LRRC69: variants seen among roughly 807,000 people sequenced by gnomAD.
LRRC69 encodes the protein leucine rich repeat containing 69.
LRRC69 carries 42 observed loss-of-function variants against 37.8 expected under a neutral mutation model. That is an observed-to-expected ratio of 1.11 (90% CI 0.87 to 1.44). The LOEUF (loss-of-function observed/expected upper bound fraction) is 1.44, where lower values mean the gene tolerates loss of function less well. Among genes scored for constraint, LRRC69 ranks in the 40% most tolerant of loss-of-function variants. The pLI is 0.00. For synonymous variants in LRRC69, 141 were observed against 143.1 expected (o/e 0.99, Z 0.11); for missense variants, 357 against 401.9 (o/e 0.89, Z 0.96).
chr8:91,209,193 G>A lies in LRRC69; in HGVS notation c.933+8401G>A, dbSNP rs558107509. ...TGTAATCCCAGCATTCTGCGAGGCC[G>A]AGGCGGGCGGATCACCTGAGGTCAG... On this transcript the variant is annotated intron_variant, in intron 7 of 7. Coordinates refer to ENST00000448384, the Ensembl canonical transcript of LRRC69. 6.6e-4 allele frequency among the ~76,000 whole-genome samples: 101 copies of A among 152,270 alleles called. 1 individual carries two copies. The highest frequency in any genetic ancestry group is 1.2e-3 in the Non-Finnish European group (85 of 68,024).
chr8:91,144,783 C>G (rs59149961), intron 5 of LRRC69, among the ~76,000 whole-genome samples: 1 of 152,090 alleles, frequency 6.6e-6, no homozygotes, highest in East Asian at 1.9e-4. Context: ...GGTTTACTGT[C>G]ACTCTCTGTC....
chr8:91,163,695 A>G (rs1394027051), intron 5 of LRRC69, among the ~76,000 whole-genome samples: 1 of 151,472 alleles, frequency 6.6e-6, no homozygotes, highest in African/African-American at 2.4e-5. Flanking sequence ...TTACATTTCT[A>G]TTATAGTTAT....
chr8:91,192,456 C>A (rs1242598016), intron 6 of LRRC69, among the ~76,000 whole-genome samples: 3 of 151,484 alleles, frequency 2.0e-5, no homozygotes, highest in Non-Finnish European at 4.4e-5. Context: ...GTTTACAGTC[C>A]CACCAACAGT....
chr8:91,192,100 G>T (rs924912289), intron 6 of LRRC69, among the ~76,000 whole-genome samples: 3 of 149,448 alleles, frequency 2.0e-5, no homozygotes, highest in Non-Finnish European at 4.4e-5. Context: ...GCGGTGTTTG[G>T]TTTTTTGTTC....
chr8:91,104,754 C>T (rs1813279083), intron 1 of LRRC69, among the ~76,000 whole-genome samples: 1 of 151,972 alleles, frequency 6.6e-6, no homozygotes, highest in South Asian at 2.1e-4. Flanking sequence ...GGCTTGCTCT[C>T]TTAGTTTTTC....
intron 5 of LRRC69, among the ~76,000 whole-genome samples, chr8:91,161,898 T>C (rs576700228): frequency 6.6e-6 from 1 of 151,460 alleles, no homozygotes; most frequent in African/African-American, 2.4e-5. Context: ...TTCATTGCTA[T>C]AAACTTCCCT....
At chr8:91,138,629 A>G (rs1271792342) in intron 5 of LRRC69, 1 of 151,744 alleles carries the variant, frequency 6.6e-6, no homozygotes, top group Non-Finnish European at 1.5e-5. Context: ...ATACGAATAT[A>G]CATTAAATGT....
chr8:91,174,587 GC>G (rs1313228301), intron 5 of LRRC69, among the ~76,000 whole-genome samples: 4 of 152,234 alleles, frequency 2.6e-5, no homozygotes, highest in African/African-American at 7.2e-5. Flanking sequence ...ACTATAAACA[GC>G]CTTCATGAAA....
chr8:91,197,032 C>G (rs1346337520), intron 6 of LRRC69, among the ~76,000 whole-genome samples: 2 of 150,078 alleles, frequency 1.3e-5, no homozygotes, highest in South Asian at 2.1e-4. Context: ...TGTGGATGTC[C>G]TTTCTGTTTG....
At chr8:91,117,766 T>G (rs555396169) in intron 1 of LRRC69, among the ~76,000 whole-genome samples, 1 of 151,702 alleles carries the variant, frequency 6.6e-6, no homozygotes, top group East Asian at 1.9e-4. Flanking sequence ...GGCTGCATAA[T>G]AGAAGTGTTG....
At chr8:91,157,262 C>T in intron 5 of LRRC69, 3 of 1,526,134 alleles carry the variant, frequency 2.0e-6, no homozygotes, top group Non-Finnish European at 2.7e-6. Context: ...CTTCACCTCT[C>T]TAATGTGACC....
chr8:91,133,317 A>G lies in LRRC69; in HGVS notation c.579+12A>G, dbSNP rs775525769. The G allele has an allele frequency of 1.5e-5, 22 of 1,494,014 alleles. No homozygotes were observed. The South Asian group carries it at 2.1e-4, about 14-fold the overall frequency. 92.5% of individuals were successfully genotyped at this position (1,494,014 alleles called of 1,614,324 possible). A position where few individuals can be genotyped will look rare whatever the true frequency, so the allele number is the denominator to read the frequency against. On this transcript the variant is annotated intron_variant, in intron 4 of 7. Coordinates refer to ENST00000448384, the Ensembl canonical transcript of LRRC69. ...GAGTTTTGCCGGAGGTAAGCAAAACATGGAACCACAGTAGTTTGCTGTTGG... is the reference window on the plus strand; with the variant it reads ...GAGTTTTGCCGGAGGTAAGCAAAACGTGGAACCACAGTAGTTTGCTGTTGG...
intron 5 of LRRC69, among the ~76,000 whole-genome samples, chr8:91,174,517 A>C (rs1422457884): frequency 5.3e-5 from 8 of 152,214 alleles, no homozygotes; most frequent in Admixed American, 5.2e-4. Context: ...TGACCACTCA[A>C]GTTTTAATTT....
At chr8:91,196,018 G>T (rs972671657) in intron 6 of LRRC69, among the ~76,000 whole-genome samples, 6 of 152,122 alleles carry the variant, frequency 3.9e-5, no homozygotes, top group African/African-American at 1.2e-4. Flanking sequence ...CTTCCTTCAG[G>T]AGCTCTTTTA....
chr8:91,133,379 A>G, intron 4 of LRRC69, 74 bp downstream of exon 4: 1 of 1,149,826 alleles, frequency 8.7e-7, no homozygotes, highest in Non-Finnish European at 1.2e-6. Flanking sequence ...GTTATAGATT[A>G]GATTTGGGTA....
At chr8:91,209,756 T>A (rs551982702) in intron 7 of LRRC69, among the ~76,000 whole-genome samples, 1 of 152,344 alleles carries the variant, frequency 6.6e-6, no homozygotes, top group South Asian at 2.1e-4. Context: ...AGAATTTTGT[T>A]ACTGCATGAT....
chr8:91,110,555 C>T (rs778918289), intron 1 of LRRC69, among the ~76,000 whole-genome samples: 1 of 151,926 alleles, frequency 6.6e-6, no homozygotes, highest in Non-Finnish European at 1.5e-5. Flanking sequence ...AAGAGAATCA[C>T]TTGAACCTGG....
rs186260218 is a variant in LRRC69 at position 91,147,715 on chromosome 8, T to G, written c.651+11976T>G. The stretch of plus-strand genomic sequence containing the variant: ...TACTATTCCTATTTTAAAATTTATT[T>G]TATTTTAGGTTCTGGGGTACATGTG... On this transcript the variant is annotated intron_variant, in intron 5 of 7. Coordinates refer to ENST00000448384, the Ensembl canonical transcript of LRRC69. Among the ~76,000 whole-genome samples the G allele has an allele frequency of 1.2e-3, 183 of 151,990 alleles. 1 individual carries two copies. The highest frequency in any genetic ancestry group is 4.2e-3 in the African/African-American group (176 of 41,536).
chr8:91,204,955 T>C (rs1376351728), intron 7 of LRRC69, among the ~76,000 whole-genome samples: 1 of 152,228 alleles, frequency 6.6e-6, no homozygotes, highest in Non-Finnish European at 1.5e-5. Flanking sequence ...AACATTTGTA[T>C]ACCCTTTACC....
Sources: gnomAD v4.1 joint callset for allele counts (sites outside exome capture counted in the v4.1 genomes callset) on GRCh38, gnomAD v4.1.1 for gene constraint, MANE v1.5 for transcripts, NCBI Gene and HGNC (gene_info 2026-07-23, HGNC 2026-07-21) for gene names.